Variants in ASTN1 observed in about 807,000 individuals in gnomAD.
ASTN1 encodes the protein astrotactin 1.
ASTN1 carries 41 observed loss-of-function variants against 140.7 expected under a neutral mutation model. The ratio of observed to expected loss-of-function variants is 0.29; its 90% CI spans 0.23 to 0.38. The LOEUF is 0.38. Ranked by LOEUF, ASTN1 falls within the 10% of genes least tolerant of loss-of-function variation. The pLI is 1.00. For missense variants in ASTN1, 1,479 were observed against 1,678.8 expected, an observed-to-expected ratio of 0.88 and a Z score of 2.08; for synonymous variants, 640 against 652.2, an observed-to-expected ratio of 0.98 and a Z score of 0.29.
intron 2 of ASTN1, among the ~76,000 whole-genome samples, chr1:177,052,312 A>G (rs1285844946): frequency 4.6e-5 from 7 of 152,142 alleles, no homozygotes; most frequent in Admixed American, 3.9e-4. Context: ...ATGGCCCCCC[A>G]AGAGTTTACT....
Position 177,032,751 on chromosome 1 carries a change from C to G in ASTN1, c.570G>C (p.Gln190His). The G allele has an allele frequency of 6.2e-7, 1 of 1,613,844 alleles. No individual in the cohort carries two copies. The highest frequency in any genetic ancestry group is 8.5e-7 in the Non-Finnish European group (1 of 1,180,026). Residue 190 changes from glutamine to histidine, a missense_variant, in exon 3 of 23, where the codon CAG becomes CAC. This residue lies in a region of ASTN1 where 729 missense variants were observed against 860.4 expected (regional missense o/e 0.85). Coordinates refer to ENST00000361833, the MANE Select transcript of ASTN1 (RefSeq NM_004319.3). Reference sequence around the variant, plus strand: ...TGGCTGCCTCAGCACTGGCACTCTTCTGGGGCTGCGGGACCCGGCGGCGTT... The same window carrying G: ...TGGCTGCCTCAGCACTGGCACTCTTGTGGGGCTGCGGGACCCGGCGGCGTT... ...WCKRRRVPQP[Q>H]KSASAEAANE...
At chr1:177,085,786 T>A (rs1679435996) in intron 1 of ASTN1, among the ~76,000 whole-genome samples, 1 of 152,192 alleles carries the variant, frequency 6.6e-6, no homozygotes, top group Non-Finnish European at 1.5e-5. Flanking sequence ...TCCTTTTCTC[T>A]TTCTTCATGA....
chr1:176,917,160 C>T (rs1264847243), intron 16 of ASTN1, among the ~76,000 whole-genome samples: 1 of 152,072 alleles, frequency 6.6e-6, no homozygotes, highest in Non-Finnish European at 1.5e-5. Context: ...TCTCTGGTAG[C>T]CCCTGTCATA....
intron 2 of ASTN1, among the ~76,000 whole-genome samples, chr1:177,056,764 G>T (rs1269086057): frequency 6.6e-6 from 1 of 152,070 alleles, no homozygotes; most frequent in Admixed American, 6.6e-5. Flanking sequence ...ACTTTAAGAA[G>T]AAAAATGTAC....
At chr1:176,895,107 A>G (rs1045171261) in intron 16 of ASTN1, among the ~76,000 whole-genome samples, 2 of 152,206 alleles carry the variant, frequency 1.3e-5, no homozygotes, top group Non-Finnish European at 2.9e-5. Context: ...CTCCATGCTG[A>G]TGACCCTCAG....
At chr1:177,004,112 A>G (rs547135599) in intron 8 of ASTN1, among the ~76,000 whole-genome samples, 14 of 152,316 alleles carry the variant, frequency 9.2e-5, no homozygotes, top group African/African-American at 2.9e-4. Context: ...AGATTTGATA[A>G]ACGAATTCAG....
At chr1:176,925,807 G>A (rs1670930756) in intron 16 of ASTN1, among the ~76,000 whole-genome samples, 1 of 144,584 alleles carries the variant, frequency 6.9e-6, no homozygotes, top group Non-Finnish European at 1.5e-5. Flanking sequence ...GTAGGTAAAG[G>A]CATTCTTTTT....
rs754713366 is a variant in ASTN1 at position 176,965,237 on chromosome 1, C to A, written c.1524G>T (p.Gly508=). The A allele has an allele frequency of 1.9e-6, 3 of 1,613,582 alleles. No homozygotes were observed. The highest frequency in any genetic ancestry group is 2.5e-6 in the Non-Finnish European group (3 of 1,179,634). ...CIRNEWGTNQ[G]PWPYTIFQRG... Reference sequence around the variant, plus strand: ...GCTGAAATATTGTGTAAGGCCATGGCCTAAAAGAAGAAACATCATTCAATT... The same window carrying A: ...GCTGAAATATTGTGTAAGGCCATGGACTAAAAGAAGAAACATCATTCAATT... The change falls in exon 9 of 23, where the codon GGG becomes GGT. Residue 508 remains glycine (G), a splice_region_variant and synonymous_variant. Transcript: ENST00000361833.
intron 1 of ASTN1, among the ~76,000 whole-genome samples, chr1:177,148,068 A>G (rs1368793659): frequency 6.6e-6 from 1 of 152,176 alleles, no homozygotes; most frequent in Admixed American, 6.6e-5. Context: ...CATTGACCTG[A>G]GCCTATGCAT....
chr1:177,114,340 T>C (rs997016264), intron 1 of ASTN1, among the ~76,000 whole-genome samples: 3 of 152,186 alleles, frequency 2.0e-5, no homozygotes, highest in Admixed American at 1.3e-4. Flanking sequence ...ATAGATTTGT[T>C]TTAAAACCAT....
At chr1:177,158,426 C>T (rs1021742882) in intron 1 of ASTN1, among the ~76,000 whole-genome samples, 11 of 152,026 alleles carry the variant, frequency 7.2e-5, no homozygotes, top group Admixed American at 2.0e-4. Context: ...ATAGTACATT[C>T]GAAATTTCCA....
Position 177,030,971 on chromosome 1 carries a change from A to C in ASTN1, c.866-19T>G. 1 of 1,601,580 alleles carries C rather than the reference A, an allele frequency of 6.2e-7. No homozygotes were observed. Among genetic ancestry groups the C allele is most frequent in the African/African-American group, 1.3e-5 (1 of 74,696 alleles). On this transcript the variant is annotated intron_variant, in intron 3 of 22. Coordinates refer to ENST00000361833, the MANE Select transcript of ASTN1 (RefSeq NM_004319.3). ...TCACTTCCTGTATAAGGAAAAGACG[A>C]GGCAAAAACTTTAAGAGAAAAGACC...
At chr1:177,125,841 A>G (rs948075856) in intron 1 of ASTN1, among the ~76,000 whole-genome samples, 3 of 152,216 alleles carry the variant, frequency 2.0e-5, no homozygotes, top group African/African-American at 7.2e-5. Flanking sequence ...ATTTTCTGAC[A>G]ACCTCTCTTC....
chr1:176,876,725 C>G, intron 20 of ASTN1, 88 bp from the exon 21 acceptor site: 1 of 1,313,414 alleles, frequency 7.6e-7, no homozygotes, highest in Admixed American at 2.0e-5. Context: ...CCAGCTCTGC[C>G]TGAATGGGTG....
chr1:176,982,092 A>T (rs1673645719), intron 8 of ASTN1, among the ~76,000 whole-genome samples: 1 of 152,314 alleles, frequency 6.6e-6, no homozygotes, highest in South Asian at 2.1e-4. Context: ...TTACAACTAA[A>T]TGTGCCCAAA....
At chr1:177,042,498 C>T (rs1490447710) in intron 2 of ASTN1, among the ~76,000 whole-genome samples, 1 of 152,214 alleles carries the variant, frequency 6.6e-6, no homozygotes, top group African/African-American at 2.4e-5. Flanking sequence ...TTCCTCCAAA[C>T]TCCTGCCTCA....
chr1:176,923,066 G>A (rs1403765103), intron 16 of ASTN1, among the ~76,000 whole-genome samples: 1 of 152,108 alleles, frequency 6.6e-6, no homozygotes, highest in Non-Finnish European at 1.5e-5. Context: ...CAGCCATTAA[G>A]TAAATTTCTC....
rs1373874527 is a variant in ASTN1 at position 176,870,505 on chromosome 1, T to G, written c.3464-1478A>C. ...GTTGCCTATGAGGACAGGAGCCAGA[T>G]TGTATGCCCTTACTATCCTGAGTGG... On this transcript the variant is annotated intron_variant, in intron 21 of 22. Transcript: ENST00000361833. Among the ~76,000 whole-genome samples, 6 of 152,344 alleles carry G rather than the reference T, an allele frequency of 3.9e-5. No individual in the cohort carries two copies. The East Asian group carries it at 9.6e-4, about 24-fold the overall frequency.
At position 177,032,937 on chromosome 1, in the gene ASTN1, T is replaced by C. The variant is rs184976201; in HGVS notation, c.472-88A>G. ...CTGCTCCTTCTGCTACCACCATTCA[T>C]CACTTATTTATGCATTCATTCATTC... On this transcript the variant is annotated intron_variant, in intron 2 of 22. Transcript: ENST00000361833. 39 of 1,395,890 alleles carry C rather than the reference T, an allele frequency of 2.8e-5. No homozygotes were observed. The Admixed American group carries it at 6.0e-4, about 21-fold the overall frequency. 86.5% of individuals were successfully genotyped at this position (1,395,890 alleles called of 1,614,324 possible). A position where few individuals can be genotyped will look rare whatever the true frequency, so the allele number is the denominator to read the frequency against.
Sources: gnomAD v4.1 joint callset for allele counts (sites outside exome capture counted in the v4.1 genomes callset) on GRCh38, gnomAD v4.1.1 for gene constraint, gnomAD v4.1.1 regional missense constraint, MANE v1.5 for transcripts, NCBI Gene and HGNC (gene_info 2026-07-23, HGNC 2026-07-21) for gene names.